The following ADAMTS3 variants were observed in gnomAD, a reference collection of about 807,000 sequenced individuals.
The protein encoded by ADAMTS3 is ADAM metallopeptidase with thrombospondin type 1 motif 3.
A neutral mutation model predicts 129.0 loss-of-function variants in ADAMTS3; 73 were observed. That is an observed-to-expected ratio of 0.57 (90% CI 0.47 to 0.69). The LOEUF is 0.69. ADAMTS3 is among the 30% of genes least tolerant of loss of function. ADAMTS3 has a pLI of 0.00. For missense variants in ADAMTS3, 1,457 were observed against 1,514.5 expected (o/e 0.96, Z 0.63); for synonymous variants, 477 against 510.8 (o/e 0.93, Z 0.89).
intron 3 of ADAMTS3, among the ~76,000 whole-genome samples, chr4:72,476,804 A>C: frequency 6.6e-6 from 1 of 152,136 alleles, no homozygotes; most frequent in East Asian, 1.9e-4. Flanking sequence ...ATATAAAAAG[A>C]ATCATACAAC....
rs367788539 is a variant in ADAMTS3 at position 72,475,440 on chromosome 4, G to A, written c.505-60469C>T. 5.9e-5 allele frequency among the ~76,000 whole-genome samples: 9 copies of A among 151,966 alleles called. No homozygotes were observed. The East Asian group carries it at 1.7e-3, about 29-fold the overall frequency. ...AGAGATATTATATAATTATAAAATA[G>A]TCAATACAGGAAGAAGACACAGCAA... is the stretch of plus-strand genomic sequence containing the variant. On this transcript the variant is annotated intron_variant, in intron 3 of 21. Transcript: ENST00000286657.
At chr4:72,301,275 T>TA (rs1161714597) in intron 17 of ADAMTS3, among the ~76,000 whole-genome samples, 1 of 151,892 alleles carries the variant, frequency 6.6e-6, no homozygotes, top group African/African-American at 2.4e-5. Context: ...AAGAAAACAT[T>TA]AAAAAATTGG....
intron 3 of ADAMTS3, among the ~76,000 whole-genome samples, chr4:72,481,163 A>T (rs1168831485): frequency 6.6e-6 from 1 of 152,178 alleles, no homozygotes; most frequent in African/African-American, 2.4e-5. Flanking sequence ...AATTCCTATC[A>T]AAACTCAAGC....
chr4:72,423,321 CAATATT>C (rs1340711398), intron 3 of ADAMTS3, among the ~76,000 whole-genome samples: 1 of 152,042 alleles, frequency 6.6e-6, no homozygotes, highest in Non-Finnish European at 1.5e-5. Context: ...AAATATATAT[CAATATT>C]GTGTGTGTAA....
intron 3 of ADAMTS3, among the ~76,000 whole-genome samples, chr4:72,527,077 C>T (rs1214013665): frequency 1.3e-5 from 2 of 152,038 alleles, no homozygotes; most frequent in Non-Finnish European, 1.5e-5. Flanking sequence ...TATGATAAAA[C>T]ATCCATGGTA....
intron 3 of ADAMTS3, among the ~76,000 whole-genome samples, chr4:72,523,692 C>T (rs559317702): frequency 6.6e-6 from 1 of 152,006 alleles, no homozygotes; most frequent in Non-Finnish European, 1.5e-5. Flanking sequence ...ATGCAACCCA[C>T]TCAAAATGAC....
chr4:72,448,818 T>C (rs528120170), intron 3 of ADAMTS3, among the ~76,000 whole-genome samples: 64 of 151,882 alleles, frequency 4.2e-4, no homozygotes, highest in Middle Eastern at 6.8e-3. Context: ...TAGAAGTGCA[T>C]TGGTGTTTAA....
At position 72,319,903 on chromosome 4, in the gene ADAMTS3, T is replaced by A. The variant is rs1269489446; in HGVS notation, c.1163A>T (p.Asp388Val). 1 of 1,613,798 alleles carries A rather than the reference T, an allele frequency of 6.2e-7. No homozygotes were observed. The highest frequency in any genetic ancestry group is 8.5e-7 in the Non-Finnish European group (1 of 1,179,924). Residue 388 changes from aspartate (D) to valine (V), a missense_variant, in exon 8 of 22, where the codon GAT (aspartate) becomes GTT (valine). By Grantham distance (152) the Asp-to-Val change is radical. Coordinates refer to ENST00000286657, the MANE Select transcript of ADAMTS3 (RefSeq NM_014243.3). ...PVRSCTLNHE[D>V]GFSSAFVVAH... Reference sequence around the variant, plus strand: ...TACTACAAAAGCAGATGAAAAACCATCCTCATGATTCAGGGTACAACTTCT... The same window carrying A: ...TACTACAAAAGCAGATGAAAAACCAACCTCATGATTCAGGGTACAACTTCT...
chr4:72,382,845 G>A (rs929576986), intron 4 of ADAMTS3, among the ~76,000 whole-genome samples: 1 of 152,042 alleles, frequency 6.6e-6, no homozygotes, highest in African/African-American at 2.4e-5. Flanking sequence ...ACATGAATCT[G>A]GAAACAATAG....
chr4:72,322,155 A>C (rs1371547456), intron 6 of ADAMTS3, among the ~76,000 whole-genome samples: 1 of 152,198 alleles, frequency 6.6e-6, no homozygotes, highest in Admixed American at 6.5e-5. Context: ...TGTTATTTCC[A>C]GCTGGAGTTA....
intron 4 of ADAMTS3, among the ~76,000 whole-genome samples, chr4:72,352,406 C>T (rs1399354095): frequency 6.6e-6 from 1 of 152,014 alleles, no homozygotes; most frequent in East Asian, 1.9e-4. Context: ...AAAACCTTCA[C>T]ATATAAAGAT....
chr4:72,485,736 TC>T (rs1399445115), intron 3 of ADAMTS3, among the ~76,000 whole-genome samples: 1 of 152,152 alleles, frequency 6.6e-6, no homozygotes, highest in African/African-American at 2.4e-5. Context: ...AATGTTAGCA[TC>T]CCCCTCAAAA....
intron 3 of ADAMTS3, among the ~76,000 whole-genome samples, chr4:72,427,212 C>G (rs1467399405): frequency 6.6e-6 from 1 of 152,064 alleles, no homozygotes; most frequent in Non-Finnish European, 1.5e-5. Context: ...TTCTCAACAC[C>G]CCTTAGATCC....
chr4:72,360,234 G>A (rs927077909), intron 4 of ADAMTS3, among the ~76,000 whole-genome samples: 18 of 152,034 alleles, frequency 1.2e-4, no homozygotes, highest in Admixed American at 5.9e-4. Context: ...GTTTTTCCTC[G>A]AATTTCCTAT....
At chr4:72,536,201 A>G (rs550915167) in intron 3 of ADAMTS3, among the ~76,000 whole-genome samples, 17 of 152,328 alleles carry the variant, frequency 1.1e-4, no homozygotes, top group African/African-American at 4.1e-4. Context: ...AACTTTCTAT[A>G]TGGTAGAGTT....
At chr4:72,442,539 T>C (rs1208591545) in intron 3 of ADAMTS3, among the ~76,000 whole-genome samples, 1 of 151,672 alleles carries the variant, frequency 6.6e-6, no homozygotes, top group African/African-American at 2.4e-5. Flanking sequence ...TCATTACTGC[T>C]ACAATGGCAC....
At chr4:72,448,301 G>T (rs1202417755) in intron 3 of ADAMTS3, among the ~76,000 whole-genome samples, 3 of 151,766 alleles carry the variant, frequency 2.0e-5, no homozygotes, top group East Asian at 3.9e-4. Flanking sequence ...ATATAAGTAG[G>T]CAGTGAGTTT....
In ADAMTS3 at chr4:72,332,417, C is replaced by T. The variant is rs185267820; in HGVS notation, c.861+7077G>A. ...GCCCTGTTCAGATAACACATTTATGCTCGTTCACTGTCCATCATAAGTAGC... is the reference window on the plus strand; with the variant it reads ...GCCCTGTTCAGATAACACATTTATGTTCGTTCACTGTCCATCATAAGTAGC... On this transcript the variant is annotated intron_variant, in intron 5 of 21. Coordinates refer to ENST00000286657, the MANE Select transcript of ADAMTS3 (RefSeq NM_014243.3). Among the ~76,000 whole-genome samples the T allele has an allele frequency of 9.3e-3, 1,417 of 152,186 alleles. 13 individuals carry two copies. The highest frequency in any genetic ancestry group is 0.016 in the Non-Finnish European group (1,102 of 67,996).
intron 4 of ADAMTS3, among the ~76,000 whole-genome samples, chr4:72,399,603 C>A (rs1291387058): frequency 6.6e-6 from 1 of 151,872 alleles, no homozygotes; most frequent in Non-Finnish European, 1.5e-5. Context: ...TGGGGTAATT[C>A]CACCTATTTT....
Sources: gnomAD v4.1 joint callset for allele counts (sites outside exome capture counted in the v4.1 genomes callset) on GRCh38, gnomAD v4.1.1 for gene constraint, MANE v1.5 for transcripts, NCBI Gene and HGNC (gene_info 2026-07-23, HGNC 2026-07-21) for gene names.